Variants in CIART observed in about 807,000 individuals in gnomAD.
CIART encodes the protein circadian associated repressor of transcription, also known as circadian-associated transcriptional repressor.
In CIART, 7 loss-of-function variants were observed where a neutral mutation model predicts 22.1. That is an observed-to-expected ratio of 0.32 (90% confidence interval 0.18 to 0.59). The LOEUF (loss-of-function observed/expected upper bound fraction) is 0.59. CIART is among the 20% of genes least tolerant of loss of function. CIART has a pLI of 0.86. For synonymous variants in CIART, 163 were observed against 174.6 expected, an observed-to-expected ratio of 0.93 and a Z score of 0.53; for missense variants, 440 against 478.0, an observed-to-expected ratio of 0.92 and a Z score of 0.74.
intron 4 of CIART, among the ~76,000 whole-genome samples, chr1:150,285,851 C>T (rs1190970024): frequency 1.3e-5 from 2 of 152,000 alleles, no homozygotes; most frequent in African/African-American, 4.8e-5. Flanking sequence ...TGGCGTGCAC[C>T]TGTAGTCCCA....
chr1:150,285,482 G>T, intron 4 of CIART: 1 of 154,562 alleles, frequency 6.5e-6, no homozygotes, highest in Non-Finnish European at 1.4e-5. Flanking sequence ...GTTGCGGTGA[G>T]CCGAGATCGT....
At chr1:150,284,965 C>A in intron 4 of CIART, 1 of 503,698 alleles carries the variant, frequency 2.0e-6, no homozygotes, top group South Asian at 2.4e-5. Context: ...AGCTTATCTG[C>A]TTTCTGCGTA....
chr1:150,283,445 G>A lies in CIART; in HGVS notation c.178G>A (p.Gly60Ser), dbSNP rs1653272923. The A allele has an allele frequency of 6.2e-7, 1 of 1,614,068 alleles. No individual in the cohort carries two copies. The highest frequency in any genetic ancestry group is 1.1e-5 in the South Asian group (1 of 91,080). The change falls in exon 1 of 5, where the codon GGT becomes AGT. Residue 60 changes from glycine to serine, a missense_variant. Physicochemically the swap from Gly to Ser is moderately conservative, Grantham distance 56 (BLOSUM62 0). Coordinates refer to ENST00000290363, the MANE Select transcript of CIART (RefSeq NM_144697.4). ...GQRGGSRPSP[G>S]PIRCRHRSKV... is the part of the protein sequence containing the mutation. ...GAGGGGAGGTTCACGGCCCAGCCCG[G>A]GTCCTATCCGCTGCAGGCATCGATC...
rs782475319 is a variant in CIART at position 150,283,344 on chromosome 1, G to A, written c.77G>A (p.Ser26Asn). The A allele has an allele frequency of 6.4e-7, 1 of 1,573,474 alleles. No individual in the cohort carries two copies. The highest frequency in any genetic ancestry group is 8.6e-7 in the Non-Finnish European group (1 of 1,160,824). The change falls in exon 1 of 5, where the codon AGT becomes AAT. Residue 26 changes from serine (S) to asparagine (N), a missense_variant. By Grantham distance (46) the Ser-to-Asn change is conservative. Coordinates refer to ENST00000290363, the MANE Select transcript of CIART (RefSeq NM_144697.4). ...TCTTTTCCCACCTCCCCAGTGAACA[G>A]TGACTTTGGCTTCCCCTCTGATAGT... ...SSSFPTSPVN[S>N]DFGFPSDSER...
intron 4 of CIART, among the ~76,000 whole-genome samples, chr1:150,285,876 G>A (rs1560054150): frequency 6.6e-6 from 1 of 152,134 alleles, no homozygotes; most frequent in Non-Finnish European, 1.5e-5. Flanking sequence ...AGGCTGGGTG[G>A]GAGGCTGAGG....
Position 150,287,050 on chromosome 1 carries a change from G to A in CIART, c.*96G>A. On this transcript the variant is annotated 3_prime_UTR_variant, in exon 5 of 5. Coordinates refer to ENST00000290363, the MANE Select transcript of CIART (RefSeq NM_144697.4). Reference sequence around the variant, plus strand: ...ATTAATGTGTGCATTTGTGTTGAGGGAAGATAAATCCTTTCTGATTAAAGA... The same window carrying A: ...ATTAATGTGTGCATTTGTGTTGAGGAAAGATAAATCCTTTCTGATTAAAGA... 8.2e-7 allele frequency: 1 copy of A among 1,215,472 alleles called. No homozygotes were observed. The highest frequency in any genetic ancestry group is 2.8e-5 in the East Asian group (1 of 35,498). 75.3% of individuals were successfully genotyped at this position (1,215,472 alleles called of 1,614,324 possible).
rs1553854669 is a variant in CIART, at chr1:150,286,552, A to T, written c.756A>T (p.Gln252His). ...LKPKQPWHLT[Q>H]WPAMNLTWIH... ...CAAAGCAGCCTTGGCACCTCACACA[A>T]TGGCCAGCTATGAACCTCACCTGGA... The change falls in exon 5 of 5, where the codon CAA (glutamine) becomes CAT (histidine). Residue 252 changes from glutamine to histidine, a missense_variant. Gln to His is a conservative substitution (Grantham distance 24). Transcript: ENST00000290363. 1 of 1,602,852 alleles carries T rather than the reference A, an allele frequency of 6.2e-7. No individual in the cohort carries two copies. The highest frequency in any genetic ancestry group is 1.3e-5 in the African/African-American group (1 of 74,180).
At position 150,284,508 on chromosome 1, in the gene CIART, A is replaced by T; in HGVS notation, c.521+4A>T. ...TTTTGCAGAAGCCACAGATGGGGTA[A>T]GTCCCGCTGGTTCTTTGCTTGGGTC... On this transcript the variant is annotated splice_donor_region_variant and intron_variant, in intron 3 of 4. Coordinates refer to ENST00000290363, the MANE Select transcript of CIART (RefSeq NM_144697.4). The T allele has an allele frequency of 6.2e-7, 1 of 1,607,062 alleles. No individual in the cohort carries two copies. The highest frequency in any genetic ancestry group is 8.5e-7 in the Non-Finnish European group (1 of 1,173,572).
At position 150,284,003 on chromosome 1, in the gene CIART, T is replaced by TTTATTGTTATTATTATTATTATTA. The variant is rs587613531; in HGVS notation, c.442+128_442+129insGTTATTATTATTATTATTATTATT. ...ATTACTCCTTTTTTGCTACTATGAC[T>TTTATTGTTATTATTATTATTATTA]TTATTATTATTATTATTATTATTAT... On this transcript the variant is annotated intron_variant, in intron 2 of 4. Coordinates refer to ENST00000290363, the MANE Select transcript of CIART (RefSeq NM_144697.4). 206 of 490,094 alleles carry TTTATTGTTATTATTATTATTATTA rather than the reference T, an allele frequency of 4.2e-4. 1 individual carries two copies. The African/African-American group carries it at 4.3e-3, about 10-fold the overall frequency. The allele number at this position is 490,094 out of a possible 1,614,324, so 30.4% of individuals were successfully genotyped here. A position where few individuals can be genotyped will look rare whatever the true frequency, so the allele number is the denominator to read the frequency against.
intron 2 of CIART, 25 bp downstream of exon 2, chr1:150,283,905 G>T: frequency 6.6e-7 from 1 of 1,517,216 alleles, no homozygotes; most frequent in East Asian, 2.3e-5. Context: ...GCATTCATTT[G>T]GGCTAGGTTC....
chr1:150,284,551 T>C (rs1379505682), intron 3 of CIART, 46 bp from the exon 4 acceptor site: 1 of 1,595,504 alleles, frequency 6.3e-7, no homozygotes, highest in Admixed American at 1.7e-5. Context: ...AAAGGAGATT[T>C]CTCCAATCCT....
At chr1:150,285,104 A>C in intron 4 of CIART, 2 of 244,186 alleles carry the variant, frequency 8.2e-6, no homozygotes, top group South Asian at 4.8e-5. Flanking sequence ...CTGCCCACGT[A>C]TCCTTGTGCC....
rs1653540813 is a variant in CIART, at chr1:150,287,016, A to AT, written c.*67dup. ...TGTGTAAATATTTATGTATATATGT[A>AT]TTTTTACTATTAATGTGTGCATTTG... is the stretch of plus-strand genomic sequence containing the variant. On this transcript the variant is annotated 3_prime_UTR_variant, in exon 5 of 5. Coordinates refer to ENST00000290363, the MANE Select transcript of CIART (RefSeq NM_144697.4). 7.2e-7 allele frequency: 1 copy of AT among 1,384,990 alleles called. No individual in the cohort carries two copies. The highest frequency in any genetic ancestry group is 1.5e-5 in the African/African-American group (1 of 67,808). The allele number at this position is 1,384,990 out of a possible 1,614,324, so 85.8% of individuals were successfully genotyped here. A position where few individuals can be genotyped will look rare whatever the true frequency, so the allele number is the denominator to read the frequency against.
In CIART at chr1:150,283,667, G is replaced by T. The variant is rs782028788; in HGVS notation, c.366+34G>T. 1.1e-5 allele frequency: 17 copies of T among 1,607,072 alleles called. No homozygotes were observed. In the East Asian group the frequency reaches 3.6e-4, roughly 34 times the overall value. ...AAGCAGGTGAAAGGAGATTCTCCTG[G>T]AGTGCCTTAGCACCCAGCTGGTTGA... On this transcript the variant is annotated intron_variant, in intron 1 of 4. Coordinates refer to ENST00000290363, the MANE Select transcript of CIART (RefSeq NM_144697.4).
chr1:150,283,761 G>A, intron 1 of CIART, 44 bp from the exon 2 acceptor site: 3 of 1,545,326 alleles, frequency 1.9e-6, no homozygotes, highest in Non-Finnish European at 2.7e-6. Flanking sequence ...GCTGGTGTGG[G>A]CAGTTTTTTG....
At position 150,286,539 on chromosome 1, in the gene CIART, G is replaced by C. The variant is rs1553854659; in HGVS notation, c.743G>C (p.Trp248Ser). 1 of 1,600,538 alleles carries C rather than the reference G, an allele frequency of 6.2e-7. No individual in the cohort carries two copies. Among genetic ancestry groups the C allele is most frequent in the Non-Finnish European group, 8.6e-7 (1 of 1,167,868 alleles). ...GHLALKPKQPWHLTQWPAMNL... is the reference protein window; with the variant it reads ...GHLALKPKQPSHLTQWPAMNL... ...CTAGCTTTAAAACCAAAGCAGCCTT[G>C]GCACCTCACACAATGGCCAGCTATG... The change falls in exon 5 of 5, where the codon TGG (tryptophan) becomes TCG (serine). Residue 248 changes from tryptophan (W) to serine (S), a missense_variant. Trp to Ser is a radical substitution (Grantham distance 177, BLOSUM62 -3). Transcript: ENST00000290363.
Position 150,283,885 on chromosome 1 carries a change from TC to T in CIART, c.442+6del. 1.3e-6 allele frequency: 2 copies of T among 1,554,878 alleles called. No individual in the cohort carries two copies. The highest frequency in any genetic ancestry group is 1.8e-6 in the Non-Finnish European group (2 of 1,126,876). ...AGATGGGTCGTTTTGAGAGAGGTAA[TC>T]TTATTGTTGCATTCATTTGGGCTAG... On this transcript the variant is annotated splice_donor_region_variant and intron_variant, in intron 2 of 4. Transcript: ENST00000290363.
Position 150,286,627 on chromosome 1 carries a change from C to G in CIART, c.831C>G (p.Ile277Met), listed in dbSNP as rs782006834. ...CNPPLSSPGTISFSHGPLGTG... is the reference protein window; with the variant it reads ...CNPPLSSPGTMSFSHGPLGTG... ...CCCCTCTCAGCTCCCCAGGTACTAT[C>G]TCCTTTAGCCATGGTCCTTTAGGCA... Residue 277 changes from isoleucine to methionine, a missense_variant, in exon 5 of 5, where the codon ATC (isoleucine) becomes ATG (methionine). Physicochemically the swap from Ile to Met is conservative, Grantham distance 10. Transcript: ENST00000290363. 2 of 1,612,294 alleles carry G rather than the reference C, an allele frequency of 1.2e-6. No individual in the cohort carries two copies. Among genetic ancestry groups the G allele is most frequent in the South Asian group, 1.1e-5 (1 of 91,048 alleles).
rs782370371 is a variant in CIART at position 150,283,454 on chromosome 1, C to T, written c.187C>T (p.Arg63Cys). Reference protein sequence around the residue: ...GGSRPSPGPIRCRHRSKVSGN... With the variant: ...GGSRPSPGPICCRHRSKVSGN... ...TTCACGGCCCAGCCCGGGTCCTATC[C>T]GCTGCAGGCATCGATCGAAGGTTTC... is the stretch of plus-strand genomic sequence containing the variant. The change falls in exon 1 of 5, where the codon CGC becomes TGC. Residue 63 changes from arginine (R) to cysteine (C), a missense_variant. Physicochemically the swap from Arg to Cys is radical, Grantham distance 180 (BLOSUM62 -3). Transcript: ENST00000290363. 6.2e-6 allele frequency: 10 copies of T among 1,614,188 alleles called. No individual in the cohort carries two copies. The highest frequency in any genetic ancestry group is 2.2e-5 in the East Asian group (1 of 44,878).
Sources: allele counts gnomAD v4.1 joint callset (sites outside exome capture counted in the v4.1 genomes callset), GRCh38; gene constraint gnomAD v4.1.1; transcripts MANE v1.5; gene names NCBI Gene and HGNC (gene_info 2026-07-23, HGNC 2026-07-21).